Variants in ADD1 observed in about 807,000 individuals in gnomAD.
ADD1 encodes alpha-adducin.
ADD1 carries 24 observed loss-of-function variants against 80.5 expected under a neutral mutation model. The ratio of observed to expected loss-of-function variants is 0.30; its 90% confidence interval spans 0.22 to 0.42. ADD1 has a LOEUF of 0.42. Ranked by LOEUF, ADD1 falls within the 10% of genes least tolerant of loss-of-function variation. The probability of loss-of-function intolerance (pLI) is 1.00; values close to 1 mark genes in which losing one functional copy is unlikely to be tolerated. For missense variants in ADD1, 948 were observed against 1,019.0 expected, an observed-to-expected ratio of 0.93 and a Z score of 0.95; for synonymous variants, 373 against 393.8, an observed-to-expected ratio of 0.95 and a Z score of 0.63.
In ADD1 at chr4:2,926,142, G is replaced by C; in HGVS notation, c.2047+30G>C. 6.3e-7 allele frequency: 1 copy of C among 1,590,288 alleles called. No homozygotes were observed. Among genetic ancestry groups the C allele is most frequent in the Non-Finnish European group, 8.6e-7 (1 of 1,158,830 alleles). On this transcript the variant is annotated intron_variant, in intron 15 of 15. Transcript: ENST00000683351. This position sits in a 1 kb window ranked among gnomAD's most constrained non-coding sequence, Gnocchi z 5.0. Reference sequence around the variant, plus strand: ...GCTCTGGGTGGCAGCGGCCGCCACTGTGGGAGGGTGCACGGCTCGTGCGCG... The same window carrying C: ...GCTCTGGGTGGCAGCGGCCGCCACTCTGGGAGGGTGCACGGCTCGTGCGCG...
At chr4:2,921,102 T>G (rs1739955162) in intron 14 of ADD1, among the ~76,000 whole-genome samples, 3 of 152,174 alleles carry the variant, frequency 2.0e-5, no homozygotes, top group African/African-American at 7.2e-5. Flanking sequence ...CGAAGCTTAG[T>G]TTGGCTGGAT....
rs768911115 is a variant in ADD1, at chr4:2,925,923, C to T, written c.1949-91C>T. The T allele has an allele frequency of 2.9e-4, 312 of 1,090,950 alleles. 1 individual carries two copies. The highest frequency in any genetic ancestry group is 4.0e-4 in the East Asian group (16 of 40,154). The allele number at this position is 1,090,950 out of a possible 1,614,324, so 67.6% of individuals were successfully genotyped here. On this transcript the variant is annotated intron_variant, in intron 14 of 15. Transcript: ENST00000683351. The stretch of plus-strand genomic sequence containing the variant: ...GAGCCCTGCCTTCTCAGAGGGCGGC[C>T]GAGCGGGCTGCCCCATCTGCCATGG...
At chr4:2,861,124 A>G (rs1003821142) in intron 1 of ADD1, among the ~76,000 whole-genome samples, 6 of 152,226 alleles carry the variant, frequency 3.9e-5, no homozygotes, top group South Asian at 4.1e-4. Flanking sequence ...AGAGGACAGC[A>G]AGTACAAAGA....
intron 2 of ADD1, among the ~76,000 whole-genome samples, chr4:2,879,574 T>A (rs114567509): frequency 1.4e-3 from 210 of 152,312 alleles, no homozygotes; most frequent in African/African-American, 5.0e-3. Context: ...GCTTTCCCTG[T>A]GACCAGCACT....
At chr4:2,919,180 G>C (rs889969373) in intron 14 of ADD1, among the ~76,000 whole-genome samples, 1 of 152,212 alleles carries the variant, frequency 6.6e-6, no homozygotes, top group Non-Finnish European at 1.5e-5. Flanking sequence ...CAGGGATGAA[G>C]CCAACTTGAT....
At position 2,873,477 on chromosome 4, in the gene ADD1, G is replaced by A. The variant is rs1402059234; in HGVS notation, c.-20-2419G>A. On this transcript the variant is annotated intron_variant, in intron 1 of 15. Transcript: ENST00000683351. ...TTATAGACTTCCTTATTGAAGGAATGGAGCATGTATATACCTGGCCTGCAG... is the reference window on the plus strand; with the variant it reads ...TTATAGACTTCCTTATTGAAGGAATAGAGCATGTATATACCTGGCCTGCAG... Among the ~76,000 whole-genome samples the A allele has an allele frequency of 2.6e-5, 4 of 152,312 alleles. No individual in the cohort carries two copies. The South Asian group carries it at 8.3e-4, about 32-fold the overall frequency.
chr4:2,911,161 C>T (rs1322226882), intron 13 of ADD1, among the ~76,000 whole-genome samples: 2 of 152,122 alleles, frequency 1.3e-5, no homozygotes, highest in Non-Finnish European at 2.9e-5. Flanking sequence ...CCCACACACT[C>T]CCCTCCCCAG....
Position 2,928,224 on chromosome 4 carries a change from C to G in ADD1, c.2101C>G (p.Pro701Ala), listed in dbSNP as rs1241519718. 1.9e-6 allele frequency: 3 copies of G among 1,614,028 alleles called. No homozygotes were observed. In the African/African-American group the frequency reaches 4.0e-5, roughly 22 times the overall value. Residue 701 changes from proline to alanine, a missense_variant, in exon 16 of 16, where the codon CCA (proline) becomes GCA (alanine). Transcript: ENST00000683351. ...TGACAGTGATGCTGCCACCTTTAAG[C>G]CAACTCTCCCCGATCTGTCCCCTGA... ...GDDSDAATFK[P>A]TLPDLSPDEP...
At chr4:2,904,374 A>G (rs116419105) in intron 9 of ADD1, among the ~76,000 whole-genome samples, 1 of 152,168 alleles carries the variant, frequency 6.6e-6, no homozygotes, top group Non-Finnish European at 1.5e-5. Flanking sequence ...ACTTTTAATG[A>G]ATGGTATTAC....
chr4:2,911,899 T>G (rs1738134241), intron 13 of ADD1, among the ~76,000 whole-genome samples: 1 of 152,208 alleles, frequency 6.6e-6, no homozygotes, highest in African/African-American at 2.4e-5. Flanking sequence ...CCAGGGGCTG[T>G]GTTCTCCAAC....
chr4:2,864,126 T>C (rs1010720741), intron 1 of ADD1, among the ~76,000 whole-genome samples: 1 of 152,128 alleles, frequency 6.6e-6, no homozygotes, highest in Non-Finnish European at 1.5e-5. Context: ...AATAACAGAA[T>C]TTATGGCCGG....
intron 1 of ADD1, among the ~76,000 whole-genome samples, chr4:2,852,977 T>C (rs1368177008): frequency 1.3e-5 from 2 of 152,182 alleles, no homozygotes; most frequent in Non-Finnish European, 2.9e-5. Flanking sequence ...TGGAAATAGC[T>C]GTAATCTAAC....
intron 4 of ADD1, among the ~76,000 whole-genome samples, chr4:2,888,979 G>C (rs1038374785): frequency 2.6e-5 from 4 of 152,142 alleles, no homozygotes; most frequent in Non-Finnish European, 4.4e-5. Context: ...AAAAATGGTT[G>C]TGTAATACTT....
At chr4:2,898,985 T>G in intron 8 of ADD1, 1 of 441,472 alleles carries the variant, frequency 2.3e-6, no homozygotes, top group South Asian at 2.8e-5. Flanking sequence ...GACTTATGTC[T>G]GTGGCGTAGT....
At chr4:2,880,463 CTTTTTTTTTTTTT>C (rs1167878841) in intron 2 of ADD1, among the ~76,000 whole-genome samples, 13 of 63,168 alleles carry the variant, frequency 2.1e-4, no homozygotes, top group South Asian at 6.9e-4. Flanking sequence ...TTCTTTCTTT[CTTTTTTTTTTTTT>C]TTTTTTTTTT....
chr4:2,911,990 CTAACCTGTGCA>C (rs1034028760), intron 13 of ADD1, among the ~76,000 whole-genome samples: 20 of 152,200 alleles, frequency 1.3e-4, no homozygotes, highest in Non-Finnish European at 2.6e-4. Flanking sequence ...TGTTGAGCAC[CTAACCTGTGCA>C]TGGTCCAGCA....
chr4:2,925,739 C>T (rs1018488284), intron 14 of ADD1, among the ~76,000 whole-genome samples: 1 of 152,226 alleles, frequency 6.6e-6, no homozygotes, highest in African/African-American at 2.4e-5. Flanking sequence ...CCATTCGAGT[C>T]CATCACAGAA....
At chr4:2,893,985 T>G in intron 4 of ADD1, 28 bp from the exon 5 acceptor site, 9 of 1,594,936 alleles carry the variant, frequency 5.6e-6, no homozygotes, top group East Asian at 2.2e-5. Flanking sequence ...CTTGGATCTT[T>G]GAGCTAATTC....
At chr4:2,906,207 C>T (rs1365384878) in intron 10 of ADD1, among the ~76,000 whole-genome samples, 1 of 152,194 alleles carries the variant, frequency 6.6e-6, no homozygotes, top group Non-Finnish European at 1.5e-5. Context: ...CCTCCGTGCT[C>T]CTGAGCGGCC....
Sources: allele counts gnomAD v4.1 joint callset (sites outside exome capture counted in the v4.1 genomes callset), GRCh38; gene constraint gnomAD v4.1.1; non-coding constraint Gnocchi (gnomAD v3.1); transcripts MANE v1.5; gene names NCBI Gene and HGNC (gene_info 2026-07-23, HGNC 2026-07-21).